The following WWOX variants were observed in gnomAD, a reference collection of about 807,000 sequenced individuals.
WWOX encodes the protein WW domain-containing oxidoreductase.
In WWOX, 69 loss-of-function variants were observed where a neutral mutation model predicts 46.2. That is an observed-to-expected ratio of 1.49 (90% CI 1.23 to 1.82). The LOEUF is 1.82. Among genes scored for constraint, WWOX ranks in the 40% most tolerant of loss-of-function variants. The pLI is 0.00. For synonymous variants in WWOX, 359 were observed against 202.6 expected, an observed-to-expected ratio of 1.77 and a Z score of -6.56; for missense variants, 919 against 542.6, an observed-to-expected ratio of 1.69 and a Z score of -6.89.
intron 8 of WWOX, among the ~76,000 whole-genome samples, chr16:79,064,833 C>T (rs899832552): frequency 2.6e-5 from 4 of 152,114 alleles, no homozygotes; most frequent in Non-Finnish European, 5.9e-5. Context: ...GAATTATCTG[C>T]CCTGGAATGG....
At chr16:78,491,531 CTG>C (rs2084784423) in intron 8 of WWOX, among the ~76,000 whole-genome samples, 1 of 152,110 alleles carries the variant, frequency 6.6e-6, no homozygotes, top group African/African-American at 2.4e-5. Flanking sequence ...GGCAGAGTCT[CTG>C]TGCACTGCAG....
intron 8 of WWOX, among the ~76,000 whole-genome samples, chr16:78,835,824 G>A (rs75091193): frequency 0.034 from 5,188 of 152,280 alleles, 113 homozygotes; most frequent in Non-Finnish European, 0.049. Flanking sequence ...ACTTCTTTTG[G>A]TAGGAAAAGA....
intron 8 of WWOX, among the ~76,000 whole-genome samples, chr16:78,720,087 T>C (rs1485473963): frequency 4.6e-5 from 7 of 152,208 alleles, no homozygotes; most frequent in African/African-American, 1.7e-4. Flanking sequence ...CGTATTGTTA[T>C]TCTGCAAGTT....
intron 8 of WWOX, among the ~76,000 whole-genome samples, chr16:79,005,937 T>A (rs1016473363): frequency 6.6e-6 from 1 of 152,116 alleles, no homozygotes; most frequent in East Asian, 1.9e-4. Context: ...GAGAAACCCA[T>A]CCATACTCTG....
At chr16:78,650,549 G>A (rs529711394) in intron 8 of WWOX, among the ~76,000 whole-genome samples, 1 of 152,276 alleles carries the variant, frequency 6.6e-6, no homozygotes, top group South Asian at 2.1e-4. Flanking sequence ...CAGGACACCT[G>A]CCTGCAAATG....
chr16:78,417,705 G>C (rs1173169849), intron 6 of WWOX, among the ~76,000 whole-genome samples: 2 of 152,164 alleles, frequency 1.3e-5, no homozygotes, highest in Non-Finnish European at 2.9e-5. Flanking sequence ...ATTCTGCTTT[G>C]ATTTGAAGCA....
rs12446763 is a variant in WWOX at position 78,503,200 on chromosome 16, A to T, written c.1056+70448A>T. 5.0e-3 allele frequency among the ~76,000 whole-genome samples: 756 copies of T among 152,100 alleles called. 8 individuals carry two copies. Among genetic ancestry groups the T allele is most frequent in the East Asian group, 0.038 (198 of 5,158 alleles). The stretch of plus-strand genomic sequence containing the variant: ...CCAGGAAATTCCCTTTAAGCTGCTT[A>T]TCAGAGGTGCATGCTGAGAGCATGA... On this transcript the variant is annotated intron_variant, in intron 8 of 8. Coordinates refer to ENST00000566780, the MANE Select transcript of WWOX (RefSeq NM_016373.4).
At chr16:79,188,285 C>T (rs1377024079) in intron 8 of WWOX, among the ~76,000 whole-genome samples, 1 of 152,200 alleles carries the variant, frequency 6.6e-6, no homozygotes, top group African/African-American at 2.4e-5. Flanking sequence ...TCGGTGGAGG[C>T]AGGCGTTCAA....
At chr16:78,762,109 C>A (rs966490675) in intron 8 of WWOX, among the ~76,000 whole-genome samples, 3 of 152,168 alleles carry the variant, frequency 2.0e-5, no homozygotes, top group Non-Finnish European at 2.9e-5. Flanking sequence ...CCACAGTAAT[C>A]CTGTAAGGTA....
intron 8 of WWOX, among the ~76,000 whole-genome samples, chr16:79,066,860 C>T (rs2048451268): frequency 1.3e-5 from 2 of 152,188 alleles, no homozygotes; most frequent in Non-Finnish European, 2.9e-5. Flanking sequence ...GCCTTGGCTG[C>T]CTCGATTTCA....
At chr16:79,033,530 C>G (rs958161638) in intron 8 of WWOX, among the ~76,000 whole-genome samples, 2 of 151,936 alleles carry the variant, frequency 1.3e-5, no homozygotes, top group African/African-American at 4.8e-5. Context: ...TCCAGATTTC[C>G]CCTGGCCCTC....
chr16:79,105,039 T>C (rs747353896), intron 8 of WWOX, among the ~76,000 whole-genome samples: 2 of 151,998 alleles, frequency 1.3e-5, no homozygotes, highest in East Asian at 3.9e-4. Flanking sequence ...GGTCTAGAGT[T>C]TTCAGTTTAC....
intron 8 of WWOX, among the ~76,000 whole-genome samples, chr16:78,882,350 A>G (rs1474488594): frequency 6.6e-6 from 1 of 152,174 alleles, no homozygotes; most frequent in South Asian, 2.1e-4. Flanking sequence ...GACTTGCCCA[A>G]AATAGCACAG....
chr16:78,626,268 C>A (rs144188662), intron 8 of WWOX, among the ~76,000 whole-genome samples: 1 of 152,098 alleles, frequency 6.6e-6, no homozygotes, highest in African/African-American at 2.4e-5. Flanking sequence ...GCAGGTGGGA[C>A]CACAGGCATG....
intron 8 of WWOX, among the ~76,000 whole-genome samples, chr16:78,572,612 A>AAG (rs1481969295): frequency 1.3e-5 from 2 of 151,230 alleles, no homozygotes; most frequent in Non-Finnish European, 1.5e-5. Flanking sequence ...CAAAAAAAAA[A>AAG]AAAAAAAAAA....
chr16:78,123,456 T>TTTTTTTTTTTTTTTTTTTTTTTG (rs2033215930), intron 4 of WWOX: 11 of 14,428 alleles, frequency 7.6e-4, no homozygotes, highest in Non-Finnish European at 1.1e-3. Context: ...TTTTTTTTTG[T>TTTTTTTTTTTTTTTTTTTTTTTG]TTTTTTTTTT....
intron 8 of WWOX, among the ~76,000 whole-genome samples, chr16:78,599,779 A>G (rs2151615074): frequency 6.6e-6 from 1 of 152,186 alleles, no homozygotes; most frequent in South Asian, 2.1e-4. Context: ...GCTGAAGAAG[A>G]GTCTCAGTCT....
chr16:78,645,955 T>A (rs2046829802), intron 8 of WWOX, among the ~76,000 whole-genome samples: 1 of 152,182 alleles, frequency 6.6e-6, no homozygotes, highest in South Asian at 2.1e-4. Flanking sequence ...GTGCAGCGTC[T>A]TCAATTCTGT....
At chr16:78,821,460 G>A (rs753815392) in intron 8 of WWOX, among the ~76,000 whole-genome samples, 1 of 152,148 alleles carries the variant, frequency 6.6e-6, no homozygotes, top group East Asian at 1.9e-4. Flanking sequence ...TGAGTTTCAG[G>A]ATTGCAAAAT....
Sources: gnomAD v4.1 joint callset for allele counts (sites outside exome capture counted in the v4.1 genomes callset) on GRCh38, gnomAD v4.1.1 for gene constraint, MANE v1.5 for transcripts, NCBI Gene and HGNC (gene_info 2026-07-23, HGNC 2026-07-21) for gene names.